The following TBC1D31 variants were observed in gnomAD, a reference collection of about 807,000 sequenced individuals.
The protein encoded by TBC1D31 is TBC1 domain family member 31.
A neutral mutation model predicts 132.9 loss-of-function variants in TBC1D31; 99 were observed. The observed-to-expected ratio is 0.74, with a 90% CI of 0.63 to 0.88. The LOEUF (loss-of-function observed/expected upper bound fraction) is 0.88, where lower values mean the gene tolerates loss of function less well. Ranked by LOEUF, TBC1D31 falls within the 40% of genes least tolerant of loss-of-function variation. TBC1D31 has a pLI of 0.00. For synonymous variants in TBC1D31, 385 were observed against 419.4 expected (o/e 0.92, Z 1.00); for missense variants, 1,134 against 1,256.6 (o/e 0.90, Z 1.48).
At position 123,150,066 on chromosome 8, in the gene TBC1D31, C is replaced by G; in HGVS notation, c.3005C>G (p.Ser1002Ter). ...CCCAGGTTCCAAAATGAACAGGACT[C>G]AAGCTGTTTGCCTAGAACCTCACAA... is the stretch of plus-strand genomic sequence containing the variant. ...EEPRFQNEQD[S>*]SCLPRTSQLN... Residue 1002 changes from serine to a stop codon, truncating the protein, a stop_gained, in exon 21 of 22, where the codon TCA (serine) becomes TGA (stop). Coordinates refer to ENST00000287380, the MANE Select transcript of TBC1D31 (RefSeq NM_145647.4). LOFTEE classifies it high-confidence loss of function. 1 of 1,614,080 alleles carries G rather than the reference C, an allele frequency of 6.2e-7. No homozygotes were observed. Among genetic ancestry groups the G allele is most frequent in the South Asian group, 1.1e-5 (1 of 91,072 alleles).
intron 8 of TBC1D31, among the ~76,000 whole-genome samples, chr8:123,106,138 G>T (rs560583989): frequency 6.6e-6 from 1 of 152,138 alleles, no homozygotes; most frequent in East Asian, 1.9e-4. Context: ...CTTATCCATG[G>T]TTTTACTTTC....
rs2130805086 is a variant in TBC1D31 at position 123,129,218 on chromosome 8, G to A, written c.2270G>A (p.Arg757Lys). ...EEEKMIQQRQ[R>K]LAAVKRELKV... ...GAGAAAATGATACAACAAAGACAGAGGTATGTGTTATCACTTTAAAAAAAA... is the reference window on the plus strand; with the variant it reads ...GAGAAAATGATACAACAAAGACAGAAGTATGTGTTATCACTTTAAAAAAAA... The change falls in exon 15 of 22, where the codon AGG becomes AAG. Residue 757 changes from arginine to lysine, a missense_variant and splice_region_variant. Coordinates refer to ENST00000287380, the MANE Select transcript of TBC1D31 (RefSeq NM_145647.4). 6.5e-7 allele frequency: 1 copy of A among 1,546,574 alleles called. No individual in the cohort carries two copies. Among genetic ancestry groups the A allele is most frequent in the Non-Finnish European group, 8.8e-7 (1 of 1,138,544 alleles).
At chr8:123,145,895 A>G (rs1431096791) in intron 20 of TBC1D31, among the ~76,000 whole-genome samples, 1 of 136,220 alleles carries the variant, frequency 7.3e-6, no homozygotes, top group African/African-American at 2.8e-5. Flanking sequence ...TTTGAGACAG[A>G]GTTTCGCTCT....
In TBC1D31 at chr8:123,116,100, TATAA is replaced by T. The variant is rs1244247197; in HGVS notation, c.1437-3951_1437-3948del. The stretch of plus-strand genomic sequence containing the variant: ...TAAAGCATTGAAATTGCTGCTGACA[TATAA>T]ATAGATATGCAGAGTCTAACAATAG... On this transcript the variant is annotated intron_variant, in intron 10 of 21. Coordinates refer to ENST00000287380, the MANE Select transcript of TBC1D31 (RefSeq NM_145647.4). 2.6e-5 allele frequency among the ~76,000 whole-genome samples: 4 copies of T among 152,162 alleles called. No homozygotes were observed. The East Asian group carries it at 5.8e-4, about 22-fold the overall frequency.
At chr8:123,076,365 T>A (rs1008013940) in intron 1 of TBC1D31, among the ~76,000 whole-genome samples, 91 of 149,218 alleles carry the variant, frequency 6.1e-4, no homozygotes, top group African/African-American at 2.1e-3. Flanking sequence ...TGTGTGTGTG[T>A]GTATCAGTGT....
At chr8:123,140,634 A>T in intron 17 of TBC1D31, 127 bp from the exon 18 acceptor site, 6 of 792,332 alleles carry the variant, frequency 7.6e-6, no homozygotes, top group Middle Eastern at 7.8e-4. Flanking sequence ...CCAGTCGTTG[A>T]ATTTTACTTT....
chr8:123,130,366 A>G (rs1563740058), intron 16 of TBC1D31, 33 bp downstream of exon 16: 2 of 1,584,088 alleles, frequency 1.3e-6, no homozygotes, highest in South Asian at 1.2e-5. Context: ...CTCATACATC[A>G]TCTCCATTTA....
chr8:123,124,629 CTTAAAA>C, intron 11 of TBC1D31, among the ~76,000 whole-genome samples: 1 of 152,102 alleles, frequency 6.6e-6, no homozygotes, highest in East Asian at 1.9e-4. Context: ...TATTTTTCCA[CTTAAAA>C]TTAAGAGCTG....
chr8:123,097,532 C>T, intron 6 of TBC1D31, 91 bp downstream of exon 6: 2 of 1,331,276 alleles, frequency 1.5e-6, no homozygotes, highest in Non-Finnish European at 2.0e-6. Context: ...TAACTTACAC[C>T]CTGGCTGTTA....
At position 123,126,615 on chromosome 8, in the gene TBC1D31, G is replaced by A. The variant is rs16898012; in HGVS notation, c.1812G>A (p.Leu604=). 0.27 allele frequency: 428,584 copies of A among 1,612,982 alleles called. 58,913 individuals are homozygous for A. Among genetic ancestry groups the A allele is most frequent in the African/African-American group, 0.39 (29,170 of 74,894 alleles). The change falls in exon 13 of 22, where the codon CTG becomes CTA. Residue 604 remains leucine (L), a synonymous_variant. Coordinates refer to ENST00000287380, the MANE Select transcript of TBC1D31 (RefSeq NM_145647.4). ...NIFSNHPSFL[L]MTVVAYNICS... ...TTTCCAACCATCCTTCCTTCCTTCTGATGACTGTTGTAGCCTACAACATAT... is the reference window on the plus strand; with the variant it reads ...TTTCCAACCATCCTTCCTTCCTTCTAATGACTGTTGTAGCCTACAACATAT...
chr8:123,094,195 G>A (rs1034763896), intron 5 of TBC1D31, among the ~76,000 whole-genome samples: 6 of 151,956 alleles, frequency 3.9e-5, no homozygotes, highest in African/African-American at 1.5e-4. Flanking sequence ...CTCCCGAGTA[G>A]CTGGGATTAT....
Position 123,129,049 on chromosome 8 carries a change from A to G in TBC1D31, c.2118-17A>G. The G allele has an allele frequency of 6.6e-7, 1 of 1,516,144 alleles. No individual in the cohort carries two copies. Among genetic ancestry groups the G allele is most frequent in the Non-Finnish European group, 8.9e-7 (1 of 1,122,978 alleles). The allele number at this position is 1,516,144 out of a possible 1,614,324, so 93.9% of individuals were successfully genotyped here. On this transcript the variant is annotated splice_polypyrimidine_tract_variant and intron_variant, in intron 14 of 21. Coordinates refer to ENST00000287380, the MANE Select transcript of TBC1D31 (RefSeq NM_145647.4). ...GCTTTCTTCTTTGTGTTTTCATAAT[A>G]ATATTACCTACTTAAGGCAGACAGT...
chr8:123,075,442 G>A (rs920964938), intron 1 of TBC1D31, among the ~76,000 whole-genome samples: 1 of 152,168 alleles, frequency 6.6e-6, no homozygotes, highest in African/African-American at 2.4e-5. Context: ...AGTGGCTCAC[G>A]CCTGTAATTC....
intron 19 of TBC1D31, 126 bp from the exon 20 acceptor site, chr8:123,144,591 C>A: frequency 4.2e-6 from 4 of 943,694 alleles, no homozygotes; most frequent in Non-Finnish European, 6.1e-6. Context: ...TAACACCAAA[C>A]AGATCCTACT....
intron 17 of TBC1D31, among the ~76,000 whole-genome samples, chr8:123,134,569 G>A (rs1027029490): frequency 6.6e-6 from 1 of 151,972 alleles, no homozygotes; most frequent in Non-Finnish European, 1.5e-5. Context: ...GTTTGTATAA[G>A]CCCATTTTAG....
At chr8:123,080,771 G>A (rs573889932) in intron 2 of TBC1D31, among the ~76,000 whole-genome samples, 30 of 152,132 alleles carry the variant, frequency 2.0e-4, no homozygotes, top group African/African-American at 5.5e-4. Flanking sequence ...TCCTGACCTC[G>A]TGATCCGCCC....
In TBC1D31 at chr8:123,151,828, A is replaced by G. The variant is rs771513808; in HGVS notation, c.3090A>G (p.Val1030=). The stretch of plus-strand genomic sequence containing the variant: ...AAGTTTCTTTAAATAGAAGAGCAGT[A>G]GAATGGGACACCACGGGACAGAATC... ...STQISLNRRA[V]EWDTTGQNLI... Residue 1030 remains valine (V), a synonymous_variant, in exon 22 of 22, where the codon GTA becomes GTG. Coordinates refer to ENST00000287380, the MANE Select transcript of TBC1D31 (RefSeq NM_145647.4). 17 of 1,569,266 alleles carry G rather than the reference A, an allele frequency of 1.1e-5. No individual in the cohort carries two copies. Among genetic ancestry groups the G allele is most frequent in the Non-Finnish European group, 1.5e-5 (17 of 1,167,668 alleles).
At chr8:123,098,006 A>G (rs989015069) in intron 6 of TBC1D31, among the ~76,000 whole-genome samples, 2 of 152,274 alleles carry the variant, frequency 1.3e-5, no homozygotes, top group Middle Eastern at 3.4e-3. Context: ...GTCAAACCTT[A>G]ACTTTCTTGT....
intron 16 of TBC1D31, among the ~76,000 whole-genome samples, chr8:123,132,690 A>G (rs955915957): frequency 1.3e-5 from 2 of 152,094 alleles, no homozygotes; most frequent in African/African-American, 4.8e-5. Context: ...CTGGGATTAC[A>G]GGCACCTGGC....
Sources: gnomAD v4.1 joint callset for allele counts (sites outside exome capture counted in the v4.1 genomes callset) on GRCh38, gnomAD v4.1.1 for gene constraint, MANE v1.5 for transcripts, NCBI Gene and HGNC (gene_info 2026-07-23, HGNC 2026-07-21) for gene names.